Variants in JARID2 observed in about 807,000 individuals in gnomAD.
The protein encoded by JARID2 is jumonji and AT-rich interaction domain containing 2, also known as protein Jumonji.
JARID2 carries 21 observed loss-of-function variants against 125.6 expected under a neutral mutation model. The observed-to-expected ratio is 0.17, with a 90% confidence interval of 0.12 to 0.24. The LOEUF (loss-of-function observed/expected upper bound fraction) is 0.24, where lower values mean the gene tolerates loss of function less well. Ranked by LOEUF, JARID2 falls within the 10% of genes least tolerant of loss-of-function variation. The pLI is 1.00. For missense variants in JARID2, 1,303 were observed against 1,639.6 expected (o/e 0.79, Z 3.55); for synonymous variants, 736 against 661.6 (o/e 1.11, Z -1.73).
intron 1 of JARID2, among the ~76,000 whole-genome samples, chr6:15,262,071 C>T (rs544609052): frequency 5.3e-5 from 8 of 152,004 alleles, no homozygotes; most frequent in Non-Finnish European, 1.0e-4. Context: ...TGAGCCACCG[C>T]GCCCGGCCCA....
intron 3 of JARID2, among the ~76,000 whole-genome samples, chr6:15,448,615 A>G (rs1192430931): frequency 6.6e-6 from 1 of 152,172 alleles, no homozygotes; most frequent in Non-Finnish European, 1.5e-5. Context: ...AGAATTAAAA[A>G]CCAGCAATTT....
chr6:15,445,569 G>A (rs1426268985), intron 3 of JARID2, among the ~76,000 whole-genome samples: 1 of 152,160 alleles, frequency 6.6e-6, no homozygotes, highest in African/African-American at 2.4e-5. Flanking sequence ...TTCCCCCTTC[G>A]AGCTCATGCA....
intron 12 of JARID2, 36 bp downstream of exon 12, chr6:15,508,490 C>A: frequency 9.2e-7 from 1 of 1,084,246 alleles, no homozygotes; most frequent in Non-Finnish European, 1.4e-6. Context: ...GGAGGGACTG[C>A]AGAAACTACT....
intron 1 of JARID2, among the ~76,000 whole-genome samples, chr6:15,304,263 C>T (rs1001329822): frequency 4.3e-4 from 64 of 149,692 alleles, no homozygotes; most frequent in African/African-American, 1.5e-3. Context: ...CTTTTCCTCC[C>T]TCCTGGAGCT....
In JARID2 at chr6:15,496,201, C is replaced by T. The variant is rs148019312; in HGVS notation, c.976C>T (p.Arg326Cys). 4.8e-4 allele frequency: 781 copies of T among 1,613,964 alleles called. 1 individual carries two copies. Among genetic ancestry groups the T allele is most frequent in the Non-Finnish European group, 5.9e-4 (699 of 1,180,012 alleles). Residue 326 changes from arginine (R) to cysteine (C), a missense_variant, in exon 7 of 18, where the codon CGC becomes TGC. Arg to Cys is a radical substitution (Grantham distance 180). This residue lies in a region of JARID2 where 651 missense variants were observed against 581.6 expected (regional missense o/e 1.12). Coordinates refer to ENST00000341776, the MANE Select transcript of JARID2 (RefSeq NM_004973.4). ...GAGVTSAKKM[R>C]EVRPSPSKTV... ...AGGTGTAACCAGTGCCAAAAAGATGCGCGAGGTCAGACCTTCACCATCCAA... is the reference window on the plus strand; with the variant it reads ...AGGTGTAACCAGTGCCAAAAAGATGTGCGAGGTCAGACCTTCACCATCCAA...
intron 4 of JARID2, among the ~76,000 whole-genome samples, chr6:15,457,985 C>T (rs551230570): frequency 4.6e-5 from 7 of 152,194 alleles, no homozygotes; most frequent in Non-Finnish European, 1.5e-5. Context: ...TGCAGCCGGC[C>T]CGAGGTATTT....
At chr6:15,447,832 G>A (rs568822607) in intron 3 of JARID2, among the ~76,000 whole-genome samples, 227 of 152,278 alleles carry the variant, frequency 1.5e-3, no homozygotes, top group Non-Finnish European at 2.5e-3. Flanking sequence ...TTTACCCCAG[G>A]CTTCTGCTGC....
At chr6:15,376,654 G>A (rs1460027224) in intron 2 of JARID2, among the ~76,000 whole-genome samples, 1 of 152,116 alleles carries the variant, frequency 6.6e-6, no homozygotes, top group East Asian at 1.9e-4. Context: ...AACCCAGGAG[G>A]TCAAGGCTGC....
At chr6:15,504,638 C>G in intron 9 of JARID2, 46 bp downstream of exon 9, 1 of 1,283,008 alleles carries the variant, frequency 7.8e-7, no homozygotes. Context: ...TGTGGGAACC[C>G]CTCGGCGAGC....
At chr6:15,493,707 C>T (rs1352604843) in intron 6 of JARID2, among the ~76,000 whole-genome samples, 1 of 151,766 alleles carries the variant, frequency 6.6e-6, no homozygotes, top group African/African-American at 2.4e-5. Flanking sequence ...AAGATCAGCC[C>T]CAGCTGGAGT....
At chr6:15,259,530 G>A (rs1424689733) in intron 1 of JARID2, among the ~76,000 whole-genome samples, 2 of 152,210 alleles carry the variant, frequency 1.3e-5, no homozygotes. Flanking sequence ...TCAAACTGAT[G>A]ATTTGGAGTG....
chr6:15,389,439 T>C (rs1764918798), intron 2 of JARID2, among the ~76,000 whole-genome samples: 1 of 152,250 alleles, frequency 6.6e-6, no homozygotes, highest in Non-Finnish European at 1.5e-5. Context: ...AAGGGACCCA[T>C]GCTTTTGAAT....
chr6:15,307,659 T>C (rs1435762516), intron 1 of JARID2, among the ~76,000 whole-genome samples: 1 of 152,214 alleles, frequency 6.6e-6, no homozygotes, highest in Non-Finnish European at 1.5e-5. Context: ...TCTTCTCTGA[T>C]GACTTACCTC....
chr6:15,410,249 G>C lies in JARID2; in HGVS notation c.207G>C (p.Lys69Asn). 1 of 1,614,088 alleles carries C rather than the reference G, an allele frequency of 6.2e-7. No individual in the cohort carries two copies. Among genetic ancestry groups the C allele is most frequent in the Non-Finnish European group, 8.5e-7 (1 of 1,179,958 alleles). ...VNGLLGNDQS[K>N]GLGPASEQSE... ...GGCTCCTTGGTAATGACCAGTCTAA[G>C]GGATTAGGACCAGCATCAGAACAGT... The change falls in exon 3 of 18, where the codon AAG becomes AAC. Residue 69 changes from lysine to asparagine, a missense_variant. Physicochemically the swap from Lys to Asn is moderately conservative, Grantham distance 94. Coordinates refer to ENST00000341776, the MANE Select transcript of JARID2 (RefSeq NM_004973.4).
At chr6:15,248,892 C>A in intron 1 of JARID2, 1 of 984,954 alleles carries the variant, frequency 1.0e-6, no homozygotes, top group Non-Finnish European at 1.2e-6. Context: ...CGGGCTGCGG[C>A]GTGGGAGGAG....
intron 2 of JARID2, among the ~76,000 whole-genome samples, chr6:15,407,740 C>T (rs891077120): frequency 5.3e-5 from 8 of 152,186 alleles, no homozygotes; most frequent in Non-Finnish European, 8.8e-5. Context: ...GCTCCATTGG[C>T]TCACTCATTA....
At chr6:15,481,326 T>G (rs1272477196) in intron 5 of JARID2, among the ~76,000 whole-genome samples, 1 of 152,250 alleles carries the variant, frequency 6.6e-6, no homozygotes, top group Non-Finnish European at 1.5e-5. Context: ...TGAATGCTTT[T>G]TTTCTCTCCT....
intron 17 of JARID2, among the ~76,000 whole-genome samples, chr6:15,517,650 C>T (rs527843986): frequency 6.6e-6 from 1 of 152,338 alleles, no homozygotes; most frequent in African/African-American, 2.4e-5. Flanking sequence ...GACACCAGCC[C>T]CTTCAGGCTG....
intron 1 of JARID2, among the ~76,000 whole-genome samples, chr6:15,309,548 A>G (rs932594841): frequency 6.6e-6 from 1 of 152,178 alleles, no homozygotes; most frequent in African/African-American, 2.4e-5. Context: ...GTTGACTGAC[A>G]TAAAATAAGT....
Sources: gnomAD v4.1 joint callset for allele counts (sites outside exome capture counted in the v4.1 genomes callset) on GRCh38, gnomAD v4.1.1 for gene constraint, gnomAD v4.1.1 regional missense constraint, MANE v1.5 for transcripts, NCBI Gene and HGNC (gene_info 2026-07-23, HGNC 2026-07-21) for gene names.